Variants in ZC3H7A observed in about 807,000 individuals in gnomAD.
ZC3H7A encodes the protein zinc finger CCCH-type containing 7A.
A neutral mutation model predicts 125.5 loss-of-function variants in ZC3H7A; 44 were observed. The ratio of observed to expected loss-of-function variants is 0.35; its 90% CI spans 0.28 to 0.45. ZC3H7A has a LOEUF of 0.45. ZC3H7A is among the 20% of genes least tolerant of loss of function. The pLI, the probability that ZC3H7A is intolerant of heterozygous loss-of-function variation, is 1.00. For synonymous variants in ZC3H7A, 399 were observed against 391.2 expected, an observed-to-expected ratio of 1.02 and a Z score of -0.23; for missense variants, 977 against 1,170.7, an observed-to-expected ratio of 0.83 and a Z score of 2.41.
chr16:11,758,584 T>A, intron 19 of ZC3H7A, 45 bp from the exon 20 acceptor site: 1 of 1,366,838 alleles, frequency 7.3e-7, no homozygotes. Flanking sequence ...GTACACCTAG[T>A]AAAACGGCCT....
In ZC3H7A at chr16:11,787,942, G is replaced by A. The variant is rs573254625; in HGVS notation, c.-34-5554C>T. ...GCCTGGGGGACAAGAGCAAGACTTC[G>A]TTTCCAAAGAAAAAAAAAAAAGCAC... is the stretch of plus-strand genomic sequence containing the variant. On this transcript the variant is annotated intron_variant, in intron 1 of 22. Transcript: ENST00000355758. Among the ~76,000 whole-genome samples, 587 of 148,366 alleles carry A rather than the reference G, an allele frequency of 4.0e-3. 4 individuals are homozygous for A. The highest frequency in any genetic ancestry group is 0.014 in the African/African-American group (555 of 40,216).
intron 12 of ZC3H7A, among the ~76,000 whole-genome samples, chr16:11,768,010 C>A (rs537444066): frequency 1.3e-5 from 2 of 152,258 alleles, no homozygotes; most frequent in South Asian, 4.1e-4. Context: ...AAATAATCAA[C>A]TTCTTAAGCA....
intron 10 of ZC3H7A, among the ~76,000 whole-genome samples, chr16:11,769,731 C>G (rs1231420976): frequency 1.4e-5 from 1 of 71,050 alleles, no homozygotes; most frequent in Non-Finnish European, 2.6e-5. Flanking sequence ...AAAAAAAAAG[C>G]AGGAACTGAC....
intron 21 of ZC3H7A, among the ~76,000 whole-genome samples, chr16:11,755,284 G>A (rs899193612): frequency 1.3e-5 from 2 of 151,554 alleles, no homozygotes; most frequent in Non-Finnish European, 2.9e-5. Flanking sequence ...CACTGGATCT[G>A]TTCCCCTGGG....
At chr16:11,782,416 A>G (rs2141210143) in intron 1 of ZC3H7A, 28 bp from the exon 2 acceptor site, 18 of 1,598,042 alleles carry the variant, frequency 1.1e-5, no homozygotes, top group Non-Finnish European at 1.4e-5. Context: ...AAAAAAGCAC[A>G]TAAGGTACCA....
At chr16:11,778,522 G>A (rs1261725478) in intron 4 of ZC3H7A, among the ~76,000 whole-genome samples, 1 of 150,364 alleles carries the variant, frequency 6.7e-6, no homozygotes, top group Non-Finnish European at 1.5e-5. Context: ...TGACTAAGAT[G>A]TTAACTGTGA....
chr16:11,786,804 C>T (rs1484732451), intron 1 of ZC3H7A, among the ~76,000 whole-genome samples: 1 of 152,110 alleles, frequency 6.6e-6, no homozygotes, highest in Non-Finnish European at 1.5e-5. Flanking sequence ...TATGCCCAAA[C>T]CCACAATTAA....
rs759457262 is a variant in ZC3H7A, at chr16:11,774,297, A to T, written c.842T>A (p.Val281Asp). The change falls in exon 9 of 23, where the codon GTC becomes GAC. Residue 281 changes from valine (V) to aspartate (D), a missense_variant. Coordinates refer to ENST00000355758, the MANE Select transcript of ZC3H7A (RefSeq NM_014153.4). ...PEAFLDDGDM[V>D]LGDELDDLLD... is the part of the protein sequence containing the mutation. ...CAGGTCATCTAGTTCATCTCCAAGG[A>T]CCATATCTCCATCATCTAGAAAAGC... 24 of 1,613,790 alleles carry T rather than the reference A, an allele frequency of 1.5e-5. 1 individual carries two copies. Among genetic ancestry groups the T allele is most frequent in the African/African-American group, 5.3e-5 (4 of 74,928 alleles).
intron 1 of ZC3H7A, among the ~76,000 whole-genome samples, chr16:11,783,625 G>A (rs952362538): frequency 5.9e-5 from 9 of 152,128 alleles, no homozygotes; most frequent in African/African-American, 2.2e-4. Context: ...CCCCAGTTGA[G>A]AACAACTGAG....
chr16:11,767,795 G>A (rs1348060104), intron 12 of ZC3H7A, among the ~76,000 whole-genome samples: 1 of 151,338 alleles, frequency 6.6e-6, no homozygotes, highest in African/African-American at 2.4e-5. Context: ...CTCCACTCCT[G>A]CCAAAAAAAA....
chr16:11,793,641 A>G (rs1168512775), intron 1 of ZC3H7A, among the ~76,000 whole-genome samples: 1 of 152,202 alleles, frequency 6.6e-6, no homozygotes, highest in Non-Finnish European at 1.5e-5. Context: ...CAACAACTAC[A>G]AAGTAGTTAA....
intron 1 of ZC3H7A, among the ~76,000 whole-genome samples, chr16:11,784,988 A>G (rs1426219415): frequency 6.6e-6 from 1 of 151,736 alleles, no homozygotes; most frequent in Non-Finnish European, 1.5e-5. Context: ...GGGAAACCCC[A>G]TCTCTACTAA....
Position 11,786,796 on chromosome 16 carries a change from T to C in ZC3H7A, c.-34-4408A>G, listed in dbSNP as rs78276578. ...AGTTAAAAACAATTATAATACTGTA[T>C]GCCCAAACCCACAATTAATATTTTG... On this transcript the variant is annotated intron_variant, in intron 1 of 22. Transcript: ENST00000355758. Among the ~76,000 whole-genome samples, 365 of 152,304 alleles carry C rather than the reference T, an allele frequency of 2.4e-3. 4 individuals are homozygous for C. Among genetic ancestry groups the C allele is most frequent in the African/African-American group, 8.4e-3 (351 of 41,562 alleles).
intron 1 of ZC3H7A, 65 bp from the exon 2 acceptor site, chr16:11,782,453 C>T: frequency 1.5e-6 from 2 of 1,319,156 alleles, no homozygotes; most frequent in Non-Finnish European, 1.1e-6. Flanking sequence ...ATGAAAACAC[C>T]CACAAATCCA....
At chr16:11,774,126 C>A (rs187738227) in intron 9 of ZC3H7A, 110 bp downstream of exon 9, 513 of 1,045,682 alleles carry the variant, frequency 4.9e-4, no homozygotes, top group African/African-American at 9.2e-4. Context: ...GTTAAAAAAA[C>A]CCCCAAATTC....
chr16:11,765,069 C>G lies in ZC3H7A; in HGVS notation c.1804G>C (p.Glu602Gln). 2 of 1,580,558 alleles carry G rather than the reference C, an allele frequency of 1.3e-6. No homozygotes were observed. Among genetic ancestry groups the G allele is most frequent in the African/African-American group, 1.4e-5 (1 of 72,888 alleles). ...TCAACATACTTATTGTCTTCAAACT[C>G]ATGCTTTGTAACCGGGTGAGAACAA... ...TACSHPVTKH[E>Q]FEDNKCLVHI... The change falls in exon 15 of 23, where the codon GAG becomes CAG. Residue 602 changes from glutamate (E) to glutamine (Q), a missense_variant. By Grantham distance (29) the Glu-to-Gln change is conservative (BLOSUM62 2). Coordinates refer to ENST00000355758, the MANE Select transcript of ZC3H7A (RefSeq NM_014153.4). This position sits in a 1 kb window ranked among gnomAD's most constrained non-coding sequence, Gnocchi z 4.8.
intron 15 of ZC3H7A, among the ~76,000 whole-genome samples, 192 bp from the exon 16 acceptor site, chr16:11,763,851 T>G (rs990958810): frequency 2.7e-5 from 4 of 147,670 alleles, no homozygotes; most frequent in Admixed American, 2.0e-4. Context: ...TCGCCCAGGC[T>G]GGAGTGCAGT....
In ZC3H7A at chr16:11,776,300, G is replaced by T; in HGVS notation, c.585+20C>A. The T allele has an allele frequency of 1.3e-6, 2 of 1,587,804 alleles. No individual in the cohort carries two copies. Among genetic ancestry groups the T allele is most frequent in the South Asian group, 2.3e-5 (2 of 85,200 alleles). ...TCCCTTTAAAAAAAAATATAATTTT[G>T]ACAGAAAAAATAACTTTACCTTGGT... On this transcript the variant is annotated intron_variant, in intron 7 of 22. Transcript: ENST00000355758.
intron 15 of ZC3H7A, among the ~76,000 whole-genome samples, chr16:11,764,181 G>C (rs1352892783): frequency 6.6e-6 from 1 of 152,192 alleles, no homozygotes. Context: ...GCGAGGCCAA[G>C]ACGGGTGGAT....
Sources: allele counts gnomAD v4.1 joint callset (sites outside exome capture counted in the v4.1 genomes callset), GRCh38; gene constraint gnomAD v4.1.1; non-coding constraint Gnocchi (gnomAD v3.1); transcripts MANE v1.5; gene names NCBI Gene and HGNC (gene_info 2026-07-23, HGNC 2026-07-21).